The following WDR25 variants were observed in gnomAD, a reference collection of about 807,000 sequenced individuals.
The protein encoded by WDR25 is WD repeat-containing protein 25.
In WDR25, 35 loss-of-function variants were observed where a neutral mutation model predicts 47.7. That is an observed-to-expected ratio of 0.73 (90% CI 0.56 to 0.97). The LOEUF is 0.97. Ranked by LOEUF, WDR25 falls within the 50% of genes least tolerant of loss-of-function variation. The pLI, the probability that WDR25 is intolerant of heterozygous loss-of-function variation, is 0.00. For synonymous variants in WDR25, 248 were observed against 278.9 expected, an observed-to-expected ratio of 0.89 and a Z score of 1.10; for missense variants, 634 against 704.7, an observed-to-expected ratio of 0.90 and a Z score of 1.14.
At position 100,392,512 on chromosome 14, in the gene WDR25, A is replaced by G. The variant is rs943064575; in HGVS notation, c.822+10766A>G. Among the ~76,000 whole-genome samples, 2 of 151,884 alleles carry G rather than the reference A, an allele frequency of 1.3e-5. No homozygotes were observed. The highest frequency in any genetic ancestry group is 4.8e-5 in the African/African-American group (2 of 41,340). ...GCAGCATTACAAAACCATAAGCAAA[A>G]TCCACCAACTCGACCATACACTGAA... On this transcript the variant is annotated intron_variant, in intron 2 of 6. Coordinates refer to ENST00000402312, the MANE Select transcript of WDR25 (RefSeq NM_001161476.3). The surrounding 1 kb of genome is among the most constrained non-coding windows in gnomAD (Gnocchi z 4.2).
At chr14:100,471,212 G>A (rs1899820695) in intron 3 of WDR25, among the ~76,000 whole-genome samples, 1 of 152,184 alleles carries the variant, frequency 6.6e-6, no homozygotes, top group Non-Finnish European at 1.5e-5. Context: ...ATGGGAGCCT[G>A]TCCTGGTGGT....
chr14:100,383,396 G>A (rs966244109), intron 2 of WDR25, among the ~76,000 whole-genome samples: 1 of 152,236 alleles, frequency 6.6e-6, no homozygotes, highest in Non-Finnish European at 1.5e-5. Context: ...CGCTGCAAGG[G>A]CTGGAGGATG....
In WDR25 at chr14:100,523,251, C is replaced by T. The variant is rs1321506955; in HGVS notation, c.1102-2619C>T. On this transcript the variant is annotated intron_variant, in intron 4 of 6. Transcript: ENST00000402312. The surrounding 1 kb of genome is among the most constrained non-coding windows in gnomAD (Gnocchi z 4.7). ...AGACCCAGTGCTAGCCAAGGGTGAC[C>T]CAGAAATGTGGGCAGCAGGGCGTCT... Among the ~76,000 whole-genome samples the T allele has an allele frequency of 6.6e-6, 1 of 152,186 alleles. No individual in the cohort carries two copies. The highest frequency in any genetic ancestry group is 1.5e-5 in the Non-Finnish European group (1 of 68,038).
In WDR25 at chr14:100,500,873, A is replaced by T. The variant is rs947517456; in HGVS notation, c.1101+16749A>T. ...GGAAACCAATTTTTCACTTGAGAGG[A>T]TCAACACACAAATACATGTGTAATT... is the stretch of plus-strand genomic sequence containing the variant. On this transcript the variant is annotated intron_variant, in intron 4 of 6. Coordinates refer to ENST00000402312, the MANE Select transcript of WDR25 (RefSeq NM_001161476.3). This position sits in a 1 kb window ranked among gnomAD's most constrained non-coding sequence, Gnocchi z 4.7. 9.9e-5 allele frequency among the ~76,000 whole-genome samples: 15 copies of T among 152,122 alleles called. No homozygotes were observed. The highest frequency in any genetic ancestry group is 3.6e-4 in the African/African-American group (15 of 41,402).
intron 2 of WDR25, among the ~76,000 whole-genome samples, chr14:100,450,731 C>T (rs998646276): frequency 6.6e-6 from 1 of 152,168 alleles, no homozygotes; most frequent in East Asian, 1.9e-4. Context: ...CTAACCAGGT[C>T]ACAACCTCTT....
chr14:100,419,617 G>A (rs1339520395), intron 2 of WDR25, among the ~76,000 whole-genome samples: 1 of 152,140 alleles, frequency 6.6e-6, no homozygotes, highest in African/African-American at 2.4e-5. Context: ...TTAGAAAGCC[G>A]AGGTATAGTT....
intron 2 of WDR25, among the ~76,000 whole-genome samples, chr14:100,397,145 A>G (rs1011946568): frequency 1.3e-5 from 2 of 152,236 alleles, no homozygotes; most frequent in Non-Finnish European, 2.9e-5. Flanking sequence ...GTTCAAAGCA[A>G]AGGGAACATA....
At chr14:100,464,785 CAT>C (rs1899561432) in intron 2 of WDR25, among the ~76,000 whole-genome samples, 1 of 74,532 alleles carries the variant, frequency 1.3e-5, no homozygotes, top group Non-Finnish European at 2.5e-5. Flanking sequence ...CATCTCATCT[CAT>C]CTCATCTCAT....
At chr14:100,417,192 T>C (rs562098392) in intron 2 of WDR25, among the ~76,000 whole-genome samples, 5 of 152,184 alleles carry the variant, frequency 3.3e-5, no homozygotes, top group African/African-American at 1.2e-4. Context: ...ATGGCCAGAG[T>C]CCTCCGCTCA....
intron 2 of WDR25, among the ~76,000 whole-genome samples, chr14:100,436,280 G>A (rs943907762): frequency 2.6e-5 from 4 of 152,160 alleles, no homozygotes; most frequent in African/African-American, 4.8e-5. Context: ...GAGCCGGGAC[G>A]CAGGGCTGAC....
rs553859701 is a variant in WDR25 at position 100,498,721 on chromosome 14, T to C, written c.1101+14597T>C. On this transcript the variant is annotated intron_variant, in intron 4 of 6. Coordinates refer to ENST00000402312, the MANE Select transcript of WDR25 (RefSeq NM_001161476.3). This position sits in a 1 kb window ranked among gnomAD's most constrained non-coding sequence, Gnocchi z 4.2. Reference sequence around the variant, plus strand: ...ATGTGAGGTTGTGCAGTCTGTACAGTGCAGAGAGGCACCTTGCTGAGGGAT... The same window carrying C: ...ATGTGAGGTTGTGCAGTCTGTACAGCGCAGAGAGGCACCTTGCTGAGGGAT... Among the ~76,000 whole-genome samples, 4 of 152,304 alleles carry C rather than the reference T, an allele frequency of 2.6e-5. No homozygotes were observed. In the East Asian group the frequency reaches 7.7e-4, roughly 29 times the overall value.
At chr14:100,400,864 T>C (rs1487171993) in intron 2 of WDR25, among the ~76,000 whole-genome samples, 2 of 152,248 alleles carry the variant, frequency 1.3e-5, no homozygotes, top group African/African-American at 4.8e-5. Context: ...AAGTTGATAA[T>C]GGACCCCACA....
rs1898633500 is a variant in WDR25 at position 100,440,397 on chromosome 14, G to A, written c.823-27624G>A. ...CGCCAGACACCTGGCTTTGAGTCCCGTGGAGGCATGCCACTTAGTCTGTTC... is the reference window on the plus strand; with the variant it reads ...CGCCAGACACCTGGCTTTGAGTCCCATGGAGGCATGCCACTTAGTCTGTTC... On this transcript the variant is annotated intron_variant, in intron 2 of 6. Transcript: ENST00000402312. The surrounding 1 kb of genome is among the most constrained non-coding windows in gnomAD (Gnocchi z 4.4). Among the ~76,000 whole-genome samples, 1 of 152,254 alleles carries A rather than the reference G, an allele frequency of 6.6e-6. No individual in the cohort carries two copies. Among genetic ancestry groups the A allele is most frequent in the Admixed American group, 6.5e-5 (1 of 15,290 alleles).
chr14:100,432,874 A>G (rs980396632), intron 2 of WDR25, among the ~76,000 whole-genome samples: 1 of 152,244 alleles, frequency 6.6e-6, no homozygotes, highest in African/African-American at 2.4e-5. Flanking sequence ...ACAGCCTACT[A>G]CACACCCAGG....
In WDR25 at chr14:100,380,953, C is replaced by T. The variant is rs375814296; in HGVS notation, c.29C>T (p.Ala10Val). ...ACAGCAAGAACTCTGTCTTTAATGG[C>T]TTCATTGGTAGCGTATGATGATTCG... is the stretch of plus-strand genomic sequence containing the variant. MTARTLSLM[A>V]SLVAYDDSDS... Residue 10 changes from alanine (A) to valine (V), a missense_variant, in exon 2 of 7, where the codon GCT (alanine) becomes GTT (valine). Coordinates refer to ENST00000402312, the MANE Select transcript of WDR25 (RefSeq NM_001161476.3). 1.9e-6 allele frequency: 3 copies of T among 1,613,986 alleles called. No individual in the cohort carries two copies. The highest frequency in any genetic ancestry group is 2.5e-6 in the Non-Finnish European group (3 of 1,179,862).
intron 2 of WDR25, among the ~76,000 whole-genome samples, chr14:100,397,264 G>A (rs750484072): frequency 3.3e-5 from 5 of 152,298 alleles, no homozygotes; most frequent in African/African-American, 7.2e-5. Flanking sequence ...TGTACAGTGC[G>A]TATATTGTCG....
chr14:100,489,436 A>G (rs747461905), intron 4 of WDR25, among the ~76,000 whole-genome samples: 166 of 152,210 alleles, frequency 1.1e-3, no homozygotes, highest in Non-Finnish European at 1.2e-3. Context: ...TAAGATGACT[A>G]TGTATTTTGA....
At chr14:100,471,325 G>A (rs1471732712) in intron 3 of WDR25, among the ~76,000 whole-genome samples, 2 of 152,146 alleles carry the variant, frequency 1.3e-5, no homozygotes, top group Non-Finnish European at 2.9e-5. Context: ...CTCCTATCTG[G>A]GCAGTGAAGC....
chr14:100,468,302 C>G lies in WDR25; in HGVS notation c.970+134C>G, dbSNP rs2140297168. 7.4e-7 allele frequency: 1 copy of G among 1,344,718 alleles called. No homozygotes were observed. Among genetic ancestry groups the G allele is most frequent in the South Asian group, 1.4e-5 (1 of 69,686 alleles). 83.3% of individuals were successfully genotyped at this position (1,344,718 alleles called of 1,614,324 possible). ...AGAGGGGCCTCAGGGTGGGCTCGTG[C>G]TCGGTGAGAGGGCTTCCAGACTGCT... On this transcript the variant is annotated intron_variant, in intron 3 of 6. Transcript: ENST00000402312. This position sits in a 1 kb window ranked among gnomAD's most constrained non-coding sequence, Gnocchi z 4.5.
Sources: gnomAD v4.1 joint callset for allele counts (sites outside exome capture counted in the v4.1 genomes callset) on GRCh38, gnomAD v4.1.1 for gene constraint, Gnocchi (gnomAD v3.1) non-coding constraint, MANE v1.5 for transcripts, NCBI Gene and HGNC (gene_info 2026-07-23, HGNC 2026-07-21) for gene names.